Variants in CTNNA2 observed in about 807,000 individuals in gnomAD.
The protein encoded by CTNNA2 is catenin alpha-2.
Under a neutral mutation model 101.0 loss-of-function variants are expected in CTNNA2, and 42 were observed. The observed-to-expected ratio is 0.42, with a 90% CI of 0.32 to 0.54. The LOEUF is 0.54. CTNNA2 is among the 20% of genes least tolerant of loss of function. The probability of loss-of-function intolerance (pLI) is 0.14; values close to 1 mark genes in which losing one functional copy is unlikely to be tolerated. For missense variants in CTNNA2, 871 were observed against 1,223.1 expected (o/e 0.71, Z 4.29); for synonymous variants, 450 against 456.4 (o/e 0.99, Z 0.18).
chr2:79,460,328 G>C lies in CTNNA2; in HGVS notation c.-134-44726G>C, dbSNP rs868341006. 3.9e-5 allele frequency among the ~76,000 whole-genome samples: 6 copies of C among 152,108 alleles called. No homozygotes were observed. In the South Asian group the frequency reaches 6.2e-4, roughly 16 times the overall value. On this transcript the variant is annotated intron_variant, in intron 4 of 21. Transcript: ENST00000466387. ...AATATGTCCCAAGTGAATTTATTGT[G>C]TTCTACGTTCACACCCTCTTTCAAC...
chr2:79,680,064 A>G (rs140912233), intron 2 of CTNNA2, among the ~76,000 whole-genome samples: 17 of 152,128 alleles, frequency 1.1e-4, no homozygotes, highest in South Asian at 8.3e-4. Context: ...ATGGTAAAAT[A>G]TTCCTGATTT....
At chr2:79,851,780 C>T (rs1200576495) in intron 3 of CTNNA2, among the ~76,000 whole-genome samples, 25 of 119,728 alleles carry the variant, frequency 2.1e-4, no homozygotes, top group Non-Finnish European at 1.6e-5. Flanking sequence ...CTCACTCTGT[C>T]GCCTAGACTG....
At chr2:80,126,382 A>C (rs1200806232) in intron 7 of CTNNA2, among the ~76,000 whole-genome samples, 1 of 151,576 alleles carries the variant, frequency 6.6e-6, no homozygotes, top group Non-Finnish European at 1.5e-5. Flanking sequence ...AGTTAAGGGG[A>C]ATCCTCAAGG....
rs144342537 is a variant in CTNNA2 at position 80,069,027 on chromosome 2, T to G, written c.1056+159230T>G. ...AGATTTATTATGACTAACTATTATA[T>G]AGGAGGCCAAAATGTCCCCTGATAG... On this transcript the variant is annotated intron_variant, in intron 7 of 18. Transcript: ENST00000402739. 4.8e-3 allele frequency among the ~76,000 whole-genome samples: 732 copies of G among 152,306 alleles called. 9 individuals are homozygous for G. Among genetic ancestry groups the G allele is most frequent in the African/African-American group, 0.017 (703 of 41,570 alleles).
At chr2:79,899,984 A>G (rs1684972255) in intron 6 of CTNNA2, among the ~76,000 whole-genome samples, 1 of 152,228 alleles carries the variant, frequency 6.6e-6, no homozygotes, top group Non-Finnish European at 1.5e-5. Context: ...TTATTGATAC[A>G]CTACAGGGAG....
At chr2:79,693,297 A>G (rs904940687) in intron 2 of CTNNA2, among the ~76,000 whole-genome samples, 3 of 136,420 alleles carry the variant, frequency 2.2e-5, no homozygotes, top group Non-Finnish European at 5.1e-5. Flanking sequence ...CAAAAATTTC[A>G]TTAAGATTTT....
intron 7 of CTNNA2, among the ~76,000 whole-genome samples, chr2:80,041,664 C>T (rs1438570917): frequency 6.6e-6 from 1 of 152,036 alleles, no homozygotes; most frequent in East Asian, 1.9e-4. Flanking sequence ...GAATGAGTTC[C>T]CATAGTCATA....
chr2:79,359,731 C>A (rs1049389327), intron 3 of CTNNA2, among the ~76,000 whole-genome samples: 1 of 152,046 alleles, frequency 6.6e-6, no homozygotes, highest in African/African-American at 2.4e-5. Context: ...AAATGTTAAA[C>A]AACATGTTTA....
intron 12 of CTNNA2, among the ~76,000 whole-genome samples, chr2:80,570,819 A>G (rs1694520706): frequency 6.6e-6 from 1 of 152,102 alleles, no homozygotes; most frequent in South Asian, 2.1e-4. Flanking sequence ...TGTTGTTTAT[A>G]CCAAAATCCT....
chr2:80,619,316 A>AG, intron 18 of CTNNA2, 88 bp downstream of exon 18: 1 of 1,335,480 alleles, frequency 7.5e-7, no homozygotes, highest in South Asian at 2.2e-5. Context: ...GGAAATAAAA[A>AG]TGTGCCCACT....
At chr2:79,951,314 A>C (rs1688863688) in intron 7 of CTNNA2, among the ~76,000 whole-genome samples, 1 of 152,202 alleles carries the variant, frequency 6.6e-6, no homozygotes. Context: ...AGGTGATTCT[A>C]ATGTACAGCC....
chr2:79,192,648 A>T (rs1673889456), intron 1 of CTNNA2, among the ~76,000 whole-genome samples: 1 of 152,136 alleles, frequency 6.6e-6, no homozygotes. Flanking sequence ...TAATCAAATG[A>T]TGGACGAAAT....
Position 80,619,192 on chromosome 2 carries a change from A to G in CTNNA2, c.2538A>G (p.Gly846=). Residue 846 remains glycine (G), a synonymous_variant, in exon 18 of 19, where the codon GGA becomes GGG. Coordinates refer to ENST00000402739, the MANE Select transcript of CTNNA2 (RefSeq NM_001282597.3). ...CCCACCTCCCAACCTGTGCTGAGGG[A>G]GCTCCGATCGGGAGTGGAAGCAGTG... ...LSTHLPTCAE[G]APIGSGSSDS... The G allele has an allele frequency of 6.3e-7, 1 of 1,586,612 alleles. No individual in the cohort carries two copies. Among genetic ancestry groups the G allele is most frequent in the South Asian group, 1.2e-5 (1 of 86,270 alleles).
Position 80,588,670 on chromosome 2 carries a change from G to T in CTNNA2, c.2008-634G>T, listed in dbSNP as rs534733926. On this transcript the variant is annotated intron_variant, in intron 14 of 18. Transcript: ENST00000402739. ...ATCCCATTATAACTTTTCTGCCTAC[G>T]TACTCAAAGGCTTTAACAAGGAGCC... Among the ~76,000 whole-genome samples the T allele has an allele frequency of 2.8e-3, 419 of 152,058 alleles. 3 individuals carry two copies. The highest frequency in any genetic ancestry group is 4.0e-3 in the Non-Finnish European group (274 of 67,992).
chr2:80,166,033 T>C lies in CTNNA2; in HGVS notation c.1057-227178T>C, dbSNP rs909138311. On this transcript the variant is annotated intron_variant, in intron 7 of 18. Coordinates refer to ENST00000402739, the MANE Select transcript of CTNNA2 (RefSeq NM_001282597.3). Reference sequence around the variant, plus strand: ...ACAGGCTTTCCCTTTTATGATCCTTTGGTTAGAGAAAGCAGCTTTGATGTC... The same window carrying C: ...ACAGGCTTTCCCTTTTATGATCCTTCGGTTAGAGAAAGCAGCTTTGATGTC... Among the ~76,000 whole-genome samples the C allele has an allele frequency of 2.5e-4, 38 of 152,132 alleles. 1 individual carries two copies.
At chr2:80,006,927 T>A (rs1693397777) in intron 7 of CTNNA2, among the ~76,000 whole-genome samples, 1 of 152,176 alleles carries the variant, frequency 6.6e-6, no homozygotes, top group Non-Finnish European at 1.5e-5. Context: ...GCCTATGAAA[T>A]CTTACCGTTC....
At chr2:80,591,098 ATTC>A (rs1378020254) in intron 15 of CTNNA2, among the ~76,000 whole-genome samples, 2 of 152,132 alleles carry the variant, frequency 1.3e-5, no homozygotes, top group Non-Finnish European at 2.9e-5. Flanking sequence ...ACATTTTATA[ATTC>A]TCTAGATTAT....
chr2:79,246,057 T>C (rs1198951287), intron 2 of CTNNA2, among the ~76,000 whole-genome samples: 3 of 152,208 alleles, frequency 2.0e-5, no homozygotes, highest in Non-Finnish European at 4.4e-5. Context: ...TGGAGATAAG[T>C]GATTTTCTCT....
intron 7 of CTNNA2, among the ~76,000 whole-genome samples, chr2:80,377,856 T>G (rs72813668): frequency 0.042 from 6,408 of 152,204 alleles, 256 homozygotes; most frequent in East Asian, 0.13. Flanking sequence ...TTTATCTTCC[T>G]CGGTCATCTA....
Sources: gnomAD v4.1 joint callset for allele counts (sites outside exome capture counted in the v4.1 genomes callset) on GRCh38, gnomAD v4.1.1 for gene constraint, MANE v1.5 for transcripts, NCBI Gene and HGNC (gene_info 2026-07-23, HGNC 2026-07-21) for gene names.